Variants in AGO1 observed in about 807,000 individuals in gnomAD.
The protein encoded by AGO1 is argonaute RISC component 1, also known as protein argonaute-1.
A neutral mutation model predicts 109.2 loss-of-function variants in AGO1; 11 were observed. That is an observed-to-expected ratio of 0.10 (90% CI 0.06 to 0.17). AGO1 has a LOEUF of 0.17. Among genes scored for constraint, AGO1 ranks in the 10% least tolerant of loss-of-function variants. AGO1 has a pLI of 1.00. For missense variants in AGO1, 574 were observed against 1,140.3 expected, an observed-to-expected ratio of 0.50 and a Z score of 7.15; for synonymous variants, 422 against 418.6, an observed-to-expected ratio of 1.01 and a Z score of -0.10.
At chr1:35,882,332 TTGGAACCACAGTGAACAGTTAA>T (rs1449277487), upstream of AGO1, among the ~76,000 whole-genome samples, 1 of 152,110 alleles carries the variant, frequency 6.6e-6, no homozygotes, top group Non-Finnish European at 1.5e-5. This position sits in a 1 kb window ranked among gnomAD's most constrained non-coding sequence, Gnocchi z 5.1. Context: ...AGAGCTGGGT[TTGGAACCACAGTGAACAGTTAA>T]TGAGGCAAAA....
chr1:35,905,528 C>T (rs992493548), intron 11 of AGO1, among the ~76,000 whole-genome samples: 5 of 152,066 alleles, frequency 3.3e-5, no homozygotes, highest in Admixed American at 2.6e-4. Context: ...AGTGCAGTGG[C>T]GCAATCTCGG....
At chr1:35,872,482 G>A (rs1312809778) in intron 1 of AGO1, among the ~76,000 whole-genome samples, 1 of 152,060 alleles carries the variant, frequency 6.6e-6, no homozygotes, top group Non-Finnish European at 1.5e-5. Context: ...CACCGCGCCT[G>A]GCCCGACTCA....
chr1:35,901,596 C>A lies in AGO1; in HGVS notation c.1140+3C>A. 6.2e-7 allele frequency: 1 copy of A among 1,614,044 alleles called. No individual in the cohort carries two copies. Among genetic ancestry groups the A allele is most frequent in the South Asian group, 1.1e-5 (1 of 91,008 alleles). On this transcript the variant is annotated splice_donor_region_variant and intron_variant, in intron 9 of 18. Transcript: ENST00000373204. The surrounding 1 kb of genome is among the most constrained non-coding windows in gnomAD (Gnocchi z 4.8). ...GACAGGAGGAGATCAGTCGCCTGGT[C>A]AGTGGGCCTACTCATTTGCTCAGTC... is the stretch of plus-strand genomic sequence containing the variant.
intron 2 of AGO1, among the ~76,000 whole-genome samples, chr1:35,891,424 C>T (rs757300539): frequency 1.3e-5 from 2 of 152,082 alleles, no homozygotes; most frequent in Admixed American, 6.6e-5. Context: ...ATTTTTCTTC[C>T]ACAGTTTATT....
At chr1:35,881,487 A>AT (rs1486182689), upstream of AGO1, among the ~76,000 whole-genome samples, 22 of 152,138 alleles carry the variant, frequency 1.4e-4, no homozygotes, top group African/African-American at 5.3e-4. Flanking sequence ...CACCTGGCTA[A>AT]TTTTTTGTAT....
chr1:35,894,691 C>T (rs1645287415), intron 7 of AGO1, among the ~76,000 whole-genome samples: 1 of 152,190 alleles, frequency 6.6e-6, no homozygotes, highest in African/African-American at 2.4e-5. Context: ...GTTAGAATCT[C>T]TCTCAAATTA....
chr1:35,891,249 C>T (rs910209315), intron 2 of AGO1, among the ~76,000 whole-genome samples: 1 of 152,176 alleles, frequency 6.6e-6, no homozygotes, highest in Non-Finnish European at 1.5e-5. Flanking sequence ...TAGTCAAGAA[C>T]TTTGATCTAG....
In AGO1 at chr1:35,913,695, C is replaced by A. The variant is rs1055713167; in HGVS notation, c.1583-147C>A. ...ATTTTCACGATTTTTAAAATTAGTC[C>A]CTATTTAGTAAGCACTTTGAGAGTA... On this transcript the variant is annotated intron_variant, in intron 12 of 18. Transcript: ENST00000373204. 4 of 672,536 alleles carry A rather than the reference C, an allele frequency of 5.9e-6. No individual in the cohort carries two copies. In the African/African-American group the frequency reaches 7.3e-5, roughly 12 times the overall value. 41.7% of individuals were successfully genotyped at this position (672,536 alleles called of 1,614,324 possible).
At position 35,920,139 on chromosome 1, in the gene AGO1, T is replaced by C. The variant is rs1557625376; in HGVS notation, c.*532T>C. 6.5e-6 allele frequency: 1 copy of C among 152,882 alleles called. No homozygotes were observed. Among genetic ancestry groups the C allele is most frequent in the Non-Finnish European group, 1.5e-5 (1 of 68,350 alleles). The allele number at this position is 152,882 out of a possible 1,614,324, so 9.5% of individuals were successfully genotyped here. On this transcript the variant is annotated 3_prime_UTR_variant, in exon 19 of 19. Coordinates refer to ENST00000373204, the MANE Select transcript of AGO1 (RefSeq NM_012199.5). ...CCAGACCCAGATCAATATTTTAGGATACTAGATGTTTTAATGGGTTCAGAA... is the reference window on the plus strand; with the variant it reads ...CCAGACCCAGATCAATATTTTAGGACACTAGATGTTTTAATGGGTTCAGAA...
chr1:35,875,487 C>T (rs920013362), intron 1 of AGO1, among the ~76,000 whole-genome samples: 3 of 152,078 alleles, frequency 2.0e-5, no homozygotes, highest in African/African-American at 7.2e-5. Context: ...GATCTTGGCT[C>T]ACTGCAACCT....
At chr1:35,906,515 A>C (rs1240782958) in intron 11 of AGO1, among the ~76,000 whole-genome samples, 1 of 152,162 alleles carries the variant, frequency 6.6e-6, no homozygotes, top group African/African-American at 2.4e-5. Flanking sequence ...TTCATGTTAG[A>C]ATCTCAGTGT....
chr1:35,894,451 G>T, intron 7 of AGO1, 49 bp downstream of exon 7: 1 of 1,577,472 alleles, frequency 6.3e-7, no homozygotes, highest in South Asian at 1.1e-5. Flanking sequence ...GAGAAGGGCT[G>T]AGATTTAAAA....
At chr1:35,877,422 C>T (rs1645001266) in intron 1 of AGO1, among the ~76,000 whole-genome samples, 1 of 152,152 alleles carries the variant, frequency 6.6e-6, no homozygotes, top group African/African-American at 2.4e-5. Context: ...AATTCCTGCT[C>T]ATCCTCACAG....
Position 35,930,239 on chromosome 1 carries a change from G to C in AGO1, c.*10632G>C, listed in dbSNP as rs1375077345. 2 of 152,200 alleles carry C rather than the reference G, an allele frequency of 1.3e-5. No individual in the cohort carries two copies. Among genetic ancestry groups the C allele is most frequent in the East Asian group, 3.9e-4 (2 of 5,194 alleles). The allele number at this position is 152,200 out of a possible 1,614,324, so 9.4% of individuals were successfully genotyped here. A position where few individuals can be genotyped will look rare whatever the true frequency, so the allele number is the denominator to read the frequency against. On this transcript the variant is annotated 3_prime_UTR_variant, in exon 19 of 19. Transcript: ENST00000373204. ...GACTAACAGGTGCCCCACCATAGATGGGTGGTCCGGAAAAGGCGTCTCAGA... is the reference window on the plus strand; with the variant it reads ...GACTAACAGGTGCCCCACCATAGATCGGTGGTCCGGAAAAGGCGTCTCAGA...
At chr1:35,896,481 G>A (rs577283237) in intron 8 of AGO1, among the ~76,000 whole-genome samples, 1 of 151,218 alleles carries the variant, frequency 6.6e-6, no homozygotes, top group Non-Finnish European at 1.5e-5. Flanking sequence ...TCATGCCTCA[G>A]CCTCCAGTAG....
chr1:35,897,005 T>C (rs1371723613), intron 8 of AGO1, among the ~76,000 whole-genome samples: 4 of 152,248 alleles, frequency 2.6e-5, no homozygotes, highest in Non-Finnish European at 5.9e-5. Context: ...ATTTCTGTTG[T>C]TGCTTATTTA....
intron 1 of AGO1, among the ~76,000 whole-genome samples, chr1:35,872,725 C>G (rs1168791973): frequency 6.6e-6 from 1 of 152,038 alleles, no homozygotes; most frequent in Non-Finnish European, 1.5e-5. Flanking sequence ...TGATGTACCA[C>G]TGGGCCCAGC....
upstream of AGO1, among the ~76,000 whole-genome samples, chr1:35,879,234 G>A (rs923598508): frequency 2.0e-5 from 3 of 152,158 alleles, no homozygotes; most frequent in African/African-American, 7.2e-5. Flanking sequence ...TGGATCACCT[G>A]AGGTCAGAAG....
At chr1:35,887,468 T>A (rs542578006) in intron 1 of AGO1, among the ~76,000 whole-genome samples, 2 of 152,178 alleles carry the variant, frequency 1.3e-5, no homozygotes, top group Non-Finnish European at 2.9e-5. Flanking sequence ...GATCTGGCCT[T>A]ACCCTATCCC....
Sources: gnomAD v4.1 joint callset for allele counts (sites outside exome capture counted in the v4.1 genomes callset) on GRCh38, gnomAD v4.1.1 for gene constraint, Gnocchi (gnomAD v3.1) non-coding constraint, MANE v1.5 for transcripts, NCBI Gene and HGNC (gene_info 2026-07-23, HGNC 2026-07-21) for gene names.